The following SAMD5 variants were observed in gnomAD, a reference collection of about 807,000 sequenced individuals.
The protein encoded by SAMD5 is sterile alpha motif domain-containing protein 5.
Under a neutral mutation model 11.3 loss-of-function variants are expected in SAMD5, and 13 were observed. The observed-to-expected ratio is 1.15, with a 90% CI of 0.75 to 1.83. SAMD5 has a LOEUF of 1.83. SAMD5 is among the 40% of genes most tolerant of loss of function. The pLI is 0.00. For missense variants in SAMD5, 255 were observed against 239.1 expected, an observed-to-expected ratio of 1.07 and a Z score of -0.44; for synonymous variants, 129 against 111.3, an observed-to-expected ratio of 1.16 and a Z score of -1.00.
the SAMD5 span, among the ~76,000 whole-genome samples, chr6:147,883,167 T>C: frequency 1.9e-3 from 295 of 152,340 alleles, no homozygotes; most frequent in African/African-American, 6.7e-3. Flanking sequence ...TTTTCCGTGA[T>C]TGAATGTAGT....
intron 1 of SAMD5, among the ~76,000 whole-genome samples, chr6:147,519,089 AG>A (rs1788214607): frequency 6.6e-6 from 1 of 152,246 alleles, no homozygotes; most frequent in Non-Finnish European, 1.5e-5. Context: ...ATGCAAACAA[AG>A]TAAGACCTCC....
the SAMD5 span, among the ~76,000 whole-genome samples, chr6:147,812,737 C>T: frequency 2.0e-5 from 3 of 152,086 alleles, no homozygotes; most frequent in Non-Finnish European, 2.9e-5. Context: ...CTAGATAACT[C>T]TGTTGAATGA....
the SAMD5 span, among the ~76,000 whole-genome samples, chr6:147,765,754 C>T: frequency 1.3e-5 from 2 of 152,170 alleles, no homozygotes; most frequent in Non-Finnish European, 2.9e-5. Context: ...AACAGATGTA[C>T]ATCAGATCTT....
the SAMD5 span, among the ~76,000 whole-genome samples, chr6:147,856,833 G>A: frequency 7.1e-6 from 1 of 140,414 alleles, no homozygotes; most frequent in Non-Finnish European, 1.5e-5. Context: ...GGGGGGGGGG[G>A]AAGCTTGTGT....
Position 147,518,572 on chromosome 6 carries a change from T to G in SAMD5, c.459+9185T>G, listed in dbSNP as rs185955496. Among the ~76,000 whole-genome samples, 20 of 152,318 alleles carry G rather than the reference T, an allele frequency of 1.3e-4. No homozygotes were observed. The East Asian group carries it at 3.7e-3, about 28-fold the overall frequency. On this transcript the variant is annotated intron_variant, in intron 1 of 1. Coordinates refer to ENST00000367474, the MANE Select transcript of SAMD5 (RefSeq NM_001030060.3). The stretch of plus-strand genomic sequence containing the variant: ...CAGATGACGTGGACTTGATGAGGGC[T>G]GGTCCCAGAAATAAAGAAGGGCCAT...
chr6:147,536,268 C>A (rs1788508122), intron 1 of SAMD5, among the ~76,000 whole-genome samples: 1 of 152,202 alleles, frequency 6.6e-6, no homozygotes, highest in Admixed American at 6.5e-5. Flanking sequence ...CAGGCGTGAG[C>A]CACTGCGTCC....
At chr6:147,806,861 G>T in the SAMD5 span, among the ~76,000 whole-genome samples, 2 of 152,092 alleles carry the variant, frequency 1.3e-5, no homozygotes, top group Non-Finnish European at 2.9e-5. Flanking sequence ...GGTCATGAGG[G>T]TGGGGCCCTC....
intron 1 of SAMD5, among the ~76,000 whole-genome samples, chr6:147,618,326 A>G (rs187150337): frequency 6.6e-6 from 1 of 152,304 alleles, no homozygotes; most frequent in Admixed American, 6.5e-5. Flanking sequence ...CAAAAGGTGG[A>G]CAGGCAGCTC....
chr6:147,949,748 G>C, the SAMD5 span, among the ~76,000 whole-genome samples: 1 of 152,112 alleles, frequency 6.6e-6, no homozygotes, highest in African/African-American at 2.4e-5. Context: ...ATTGTACAAC[G>C]CTCATTTCTA....
At chr6:147,561,758 C>T (rs931273976) in intron 1 of SAMD5, among the ~76,000 whole-genome samples, 4 of 152,098 alleles carry the variant, frequency 2.6e-5, no homozygotes, top group South Asian at 2.1e-4. Flanking sequence ...ATTTTAAAAC[C>T]GTTCATTTCT....
At chr6:147,721,831 A>G (rs1791556411) in intron 1 of SAMD5, among the ~76,000 whole-genome samples, 1 of 152,164 alleles carries the variant, frequency 6.6e-6, no homozygotes, top group Admixed American at 6.5e-5. Flanking sequence ...AATATAGTTT[A>G]TATCCAAAGC....
the SAMD5 span, among the ~76,000 whole-genome samples, chr6:147,876,596 A>G: frequency 6.6e-6 from 1 of 152,194 alleles, no homozygotes; most frequent in African/African-American, 2.4e-5. Flanking sequence ...AGAGGAAACA[A>G]AAGAAAATAA....
chr6:147,855,467 G>T, the SAMD5 span, among the ~76,000 whole-genome samples: 1 of 152,230 alleles, frequency 6.6e-6, no homozygotes, highest in South Asian at 2.1e-4. Context: ...ACACTTTCAT[G>T]CAAACTGAAA....
At chr6:147,552,990 T>G (rs1437548205) in intron 1 of SAMD5, among the ~76,000 whole-genome samples, 1 of 152,246 alleles carries the variant, frequency 6.6e-6, no homozygotes, top group Non-Finnish European at 1.5e-5. Context: ...TAAGTATCTA[T>G]GCCTCCTTAG....
chr6:147,580,189 C>T (rs1235739631), intron 1 of SAMD5, among the ~76,000 whole-genome samples: 1 of 152,204 alleles, frequency 6.6e-6, no homozygotes, highest in Admixed American at 6.5e-5. Context: ...CCAGCACTGA[C>T]AACTGCTGCT....
the SAMD5 span, among the ~76,000 whole-genome samples, chr6:147,816,834 C>G: frequency 3.3e-4 from 50 of 152,214 alleles, no homozygotes; most frequent in East Asian, 6.4e-3. Context: ...CTACTCTGTT[C>G]ATTCATTCAC....
In SAMD5 at chr6:147,567,481, C is replaced by T. The variant is rs796277247; in HGVS notation, c.*3025C>T. ...TAAGCTATAGTGTAGCTTGGGGAAT[C>T]ATCTTGAACAGTTATGAAACTCATT... On this transcript the variant is annotated 3_prime_UTR_variant, in exon 2 of 2. Coordinates refer to ENST00000367474, the MANE Select transcript of SAMD5 (RefSeq NM_001030060.3). 1 of 975,592 alleles carries T rather than the reference C, an allele frequency of 1.0e-6. No individual in the cohort carries two copies. The highest frequency in any genetic ancestry group is 1.2e-6 in the Non-Finnish European group (1 of 821,040). The allele number at this position is 975,592 out of a possible 1,614,324, so 60.4% of individuals were successfully genotyped here. A position where few individuals can be genotyped will look rare whatever the true frequency, so the allele number is the denominator to read the frequency against.
At chr6:147,592,180 G>A (rs1789464624) in intron 1 of SAMD5, among the ~76,000 whole-genome samples, 1 of 152,182 alleles carries the variant, frequency 6.6e-6, no homozygotes, top group Non-Finnish European at 1.5e-5. Flanking sequence ...CTGTAGACAG[G>A]ATCTCACTAT....
Position 147,566,360 on chromosome 6 carries a change from G to A in SAMD5, c.*1904G>A. ...ATTCTTTTGAGTGGTAGGGGAGTCT[G>A]TATAGATTACAGATATAATTTATTG... On this transcript the variant is annotated 3_prime_UTR_variant, in exon 2 of 2. Transcript: ENST00000367474. The A allele has an allele frequency of 1.0e-6, 1 of 983,808 alleles. No homozygotes were observed. Among genetic ancestry groups the A allele is most frequent in the South Asian group, 4.7e-5 (1 of 21,242 alleles). The allele number at this position is 983,808 out of a possible 1,614,324, so 60.9% of individuals were successfully genotyped here. A position where few individuals can be genotyped will look rare whatever the true frequency, so the allele number is the denominator to read the frequency against.
Sources: allele counts gnomAD v4.1 joint callset (sites outside exome capture counted in the v4.1 genomes callset), GRCh38; gene constraint gnomAD v4.1.1; transcripts MANE v1.5; gene names NCBI Gene and HGNC (gene_info 2026-07-23, HGNC 2026-07-21).